Variants in CSNK1G3 observed in about 807,000 individuals in gnomAD.
CSNK1G3 encodes the protein casein kinase 1 gamma 3.
In CSNK1G3, 23 loss-of-function variants were observed where a neutral mutation model predicts 64.3. The observed-to-expected ratio is 0.36, with a 90% CI of 0.26 to 0.51. The LOEUF (loss-of-function observed/expected upper bound fraction) is 0.51. Among genes scored for constraint, CSNK1G3 ranks in the 20% least tolerant of loss-of-function variants. The probability of loss-of-function intolerance (pLI) is 0.96; values close to 1 mark genes in which losing one functional copy is unlikely to be tolerated. For synonymous variants in CSNK1G3, 158 were observed against 162.2 expected (o/e 0.97, Z 0.20); for missense variants, 357 against 510.5 (o/e 0.70, Z 2.90).
intron 9 of CSNK1G3, 30 bp downstream of exon 9, chr5:123,590,588 T>A: frequency 7.5e-7 from 1 of 1,325,864 alleles, no homozygotes; most frequent in Non-Finnish European, 1.0e-6. Flanking sequence ...ATATATTACT[T>A]ACAGTATCTG....
chr5:123,590,192 T>A (rs568494151), intron 8 of CSNK1G3, among the ~76,000 whole-genome samples: 2 of 152,208 alleles, frequency 1.3e-5, no homozygotes, highest in South Asian at 4.1e-4. Flanking sequence ...AAATAGTGGT[T>A]GTTAAACTAA....
At chr5:123,547,690 G>GTA (rs1013046279) in intron 2 of CSNK1G3, among the ~76,000 whole-genome samples, 12 of 151,956 alleles carry the variant, frequency 7.9e-5, no homozygotes, top group South Asian at 2.1e-4. Context: ...TTTGATGTGT[G>GTA]TATATATATA....
chr5:123,611,139 C>T (rs949047001), intron 12 of CSNK1G3, among the ~76,000 whole-genome samples: 1 of 152,184 alleles, frequency 6.6e-6, no homozygotes, highest in African/African-American at 2.4e-5. Context: ...ATCTCTAAGA[C>T]TATAAATTAG....
intron 1 of CSNK1G3, among the ~76,000 whole-genome samples, chr5:123,525,507 T>C (rs1778897379): frequency 6.6e-6 from 1 of 152,010 alleles, no homozygotes; most frequent in South Asian, 2.1e-4. Context: ...TTGACCAGGC[T>C]TGGTCTCAAC....
At chr5:123,606,563 A>G (rs1349128705) in intron 12 of CSNK1G3, among the ~76,000 whole-genome samples, 3 of 152,140 alleles carry the variant, frequency 2.0e-5, no homozygotes, top group Non-Finnish European at 4.4e-5. Context: ...AATGTGATAA[A>G]GCCCTGGTAT....
intron 1 of CSNK1G3, among the ~76,000 whole-genome samples, chr5:123,516,377 A>C (rs1941530460): frequency 6.6e-6 from 1 of 152,212 alleles, no homozygotes; most frequent in Non-Finnish European, 1.5e-5. Context: ...AATGGGAGAT[A>C]AATGTAGAAA....
At chr5:123,512,407 C>G (rs570030693) in exon 1 of CSNK1G3, 1 of 152,188 alleles carries the variant, frequency 6.6e-6, no homozygotes, top group African/African-American at 2.4e-5. Flanking sequence ...CTCCTTCCCC[C>G]CTACCTCGCT....
At chr5:123,526,551 C>T (rs967737237) in intron 1 of CSNK1G3, among the ~76,000 whole-genome samples, 3 of 152,120 alleles carry the variant, frequency 2.0e-5, no homozygotes, top group Admixed American at 2.0e-4. Flanking sequence ...ACAGTTCTAT[C>T]ACCCCTTAAA....
intron 2 of CSNK1G3, among the ~76,000 whole-genome samples, chr5:123,547,730 ATG>A (rs1003559811): frequency 3.3e-5 from 5 of 152,108 alleles, no homozygotes; most frequent in African/African-American, 1.2e-4. Flanking sequence ...ATTTATTTAA[ATG>A]TATTATCTCT....
chr5:123,529,263 A>G (rs1026980448), intron 1 of CSNK1G3, among the ~76,000 whole-genome samples: 2 of 152,234 alleles, frequency 1.3e-5, no homozygotes, highest in Admixed American at 6.5e-5. Context: ...TGATTGGTTG[A>G]TGAAAATCTT....
At chr5:123,581,077 G>A (rs1434027912) in intron 6 of CSNK1G3, among the ~76,000 whole-genome samples, 2 of 151,806 alleles carry the variant, frequency 1.3e-5, no homozygotes, top group Non-Finnish European at 2.9e-5. Context: ...TGCTCTTTAA[G>A]CTGCTCACAC....
At chr5:123,593,811 T>C (rs1165417558) in intron 10 of CSNK1G3, among the ~76,000 whole-genome samples, 1 of 152,144 alleles carries the variant, frequency 6.6e-6, no homozygotes, top group Non-Finnish European at 1.5e-5. Context: ...CCAGAACATG[T>C]ATTCATGTGT....
intron 1 of CSNK1G3, among the ~76,000 whole-genome samples, chr5:123,544,686 A>G (rs1343780414): frequency 6.6e-6 from 1 of 152,192 alleles, no homozygotes; most frequent in African/African-American, 2.4e-5. Context: ...CTCTTCCAAA[A>G]GCCTTGAAAA....
At chr5:123,598,399 G>A (rs1418027947) in intron 10 of CSNK1G3, among the ~76,000 whole-genome samples, 1 of 152,148 alleles carries the variant, frequency 6.6e-6, no homozygotes, top group Non-Finnish European at 1.5e-5. Context: ...CAGTCAAGGA[G>A]GCTGATGAAC....
chr5:123,575,608 G>C, intron 5 of CSNK1G3, 121 bp from the exon 6 acceptor site: 1 of 644,124 alleles, frequency 1.6e-6, no homozygotes, highest in Non-Finnish European at 2.7e-6. Flanking sequence ...ACTTTTAAAG[G>C]GTTGAAACAA....
Position 123,596,292 on chromosome 5 carries a change from G to A in CSNK1G3, c.1086+4878G>A, listed in dbSNP as rs144510612. 4.9e-3 allele frequency among the ~76,000 whole-genome samples: 748 copies of A among 152,216 alleles called. 7 individuals are homozygous for A. Among genetic ancestry groups the A allele is most frequent in the African/African-American group, 0.017 (702 of 41,564 alleles). On this transcript the variant is annotated intron_variant, in intron 10 of 12. Transcript: ENST00000345990. Reference sequence around the variant, plus strand: ...TAGGGTGAAGAACTTAGAGGCAAGAGTGTCTAAATTGTAAAAATTTTTATG... The same window carrying A: ...TAGGGTGAAGAACTTAGAGGCAAGAATGTCTAAATTGTAAAAATTTTTATG...
At chr5:123,613,218 G>A (rs1035133283) in intron 12 of CSNK1G3, among the ~76,000 whole-genome samples, 3 of 150,418 alleles carry the variant, frequency 2.0e-5, no homozygotes, top group African/African-American at 7.3e-5. Context: ...GCAGATCAGT[G>A]ATTTTTTCAG....
intron 10 of CSNK1G3, among the ~76,000 whole-genome samples, chr5:123,594,519 T>C (rs1297221314): frequency 6.6e-6 from 1 of 152,208 alleles, no homozygotes; most frequent in African/African-American, 2.4e-5. Context: ...TGTTTTCTCA[T>C]ATTATCCTTA....
At chr5:123,561,342 C>T (rs1464216985) in intron 4 of CSNK1G3, among the ~76,000 whole-genome samples, 1 of 152,120 alleles carries the variant, frequency 6.6e-6, no homozygotes, top group Non-Finnish European at 1.5e-5. Context: ...TGAGATCTCC[C>T]TGAGGAGAGT....
Sources: gnomAD v4.1 joint callset for allele counts (sites outside exome capture counted in the v4.1 genomes callset) on GRCh38, gnomAD v4.1.1 for gene constraint, MANE v1.5 for transcripts, NCBI Gene and HGNC (gene_info 2026-07-23, HGNC 2026-07-21) for gene names.